IMMP2L: variants seen among roughly 807,000 people sequenced by gnomAD.
The protein encoded by IMMP2L is inner mitochondrial membrane peptidase subunit 2.
IMMP2L carries 18 observed loss-of-function variants against 19.3 expected under a neutral mutation model. That is an observed-to-expected ratio of 0.93 (90% CI 0.64 to 1.38). The LOEUF (loss-of-function observed/expected upper bound fraction) is 1.38, where lower values mean the gene tolerates loss of function less well. IMMP2L is among the 40% of genes most tolerant of loss of function. The pLI, the probability that IMMP2L is intolerant of heterozygous loss-of-function variation, is 0.00. For synonymous variants in IMMP2L, 76 were observed against 73.0 expected, an observed-to-expected ratio of 1.04 and a Z score of -0.21; for missense variants, 233 against 218.2, an observed-to-expected ratio of 1.07 and a Z score of -0.43.
intron 5 of IMMP2L, among the ~76,000 whole-genome samples, chr7:110,748,810 A>G (rs1384737937): frequency 3.3e-5 from 5 of 152,228 alleles, no homozygotes; most frequent in African/African-American, 1.2e-4. Flanking sequence ...AAGAAAACCT[A>G]GCCAATACCA....
At chr7:111,141,710 A>G (rs989174618) in intron 3 of IMMP2L, among the ~76,000 whole-genome samples, 1 of 152,014 alleles carries the variant, frequency 6.6e-6, no homozygotes, top group Non-Finnish European at 1.5e-5. Flanking sequence ...ATCATATTTA[A>G]CCAGGAGCTA....
intron 3 of IMMP2L, among the ~76,000 whole-genome samples, chr7:111,003,518 A>ATT (rs796252838): frequency 6.7e-6 from 1 of 148,166 alleles, no homozygotes; most frequent in African/African-American, 2.5e-5. Context: ...TTTCAGATAG[A>ATT]TTTTTTTTTT....
At chr7:110,700,706 T>C (rs1794222332) in intron 5 of IMMP2L, among the ~76,000 whole-genome samples, 1 of 152,240 alleles carries the variant, frequency 6.6e-6, no homozygotes, top group South Asian at 2.1e-4. Flanking sequence ...TGTTGGATAT[T>C]GGACTTTCTT....
chr7:111,389,708 G>GA (rs1832146569), intron 3 of IMMP2L, among the ~76,000 whole-genome samples: 1 of 152,012 alleles, frequency 6.6e-6, no homozygotes, highest in Non-Finnish European at 1.5e-5. Context: ...CTACAAGCTT[G>GA]AAATCATTGT....
chr7:111,262,578 G>A (rs137855686), intron 3 of IMMP2L, among the ~76,000 whole-genome samples: 50 of 152,188 alleles, frequency 3.3e-4, no homozygotes, highest in Non-Finnish European at 6.0e-4. Context: ...CCAAGAGGCA[G>A]AAACAATCTC....
At chr7:110,893,682 AG>A (rs2129546377) in intron 4 of IMMP2L, among the ~76,000 whole-genome samples, 1 of 152,258 alleles carries the variant, frequency 6.6e-6, no homozygotes, top group East Asian at 1.9e-4. Context: ...TTATCCAGAT[AG>A]TGAGCACAGT....
At chr7:111,350,534 G>T (rs531065570) in intron 3 of IMMP2L, among the ~76,000 whole-genome samples, 9 of 152,052 alleles carry the variant, frequency 5.9e-5, no homozygotes, top group African/African-American at 2.2e-4. Context: ...AGATAGGGGG[G>T]TCTAGGCATA....
intron 5 of IMMP2L, among the ~76,000 whole-genome samples, chr7:110,736,504 G>C (rs1796645919): frequency 6.6e-6 from 1 of 152,206 alleles, no homozygotes; most frequent in Non-Finnish European, 1.5e-5. Context: ...TGCCATGAAA[G>C]CTGCTGTGTG....
intron 3 of IMMP2L, among the ~76,000 whole-genome samples, chr7:111,383,098 T>C (rs560384265): frequency 1.1e-4 from 16 of 152,182 alleles, no homozygotes; most frequent in Admixed American, 7.9e-4. Flanking sequence ...ACTAGAGTGA[T>C]TGGGGACAGG....
intron 3 of IMMP2L, among the ~76,000 whole-genome samples, chr7:111,376,091 A>C (rs971216898): frequency 6.6e-6 from 1 of 152,086 alleles, no homozygotes; most frequent in Non-Finnish European, 1.5e-5. Flanking sequence ...TCTCAGTCCC[A>C]ATTTCTTACA....
intron 4 of IMMP2L, among the ~76,000 whole-genome samples, chr7:110,926,187 G>A (rs893646469): frequency 2.6e-5 from 4 of 151,886 alleles, no homozygotes; most frequent in African/African-American, 9.7e-5. Context: ...TAATTGTACT[G>A]ATATATTACC....
intron 3 of IMMP2L, among the ~76,000 whole-genome samples, chr7:111,164,919 G>A (rs1805660457): frequency 6.6e-6 from 1 of 151,854 alleles, no homozygotes; most frequent in South Asian, 2.1e-4. Flanking sequence ...AATACACATA[G>A]CATAATATTT....
intron 3 of IMMP2L, among the ~76,000 whole-genome samples, chr7:111,061,214 A>T (rs1231381230): frequency 6.6e-5 from 10 of 152,190 alleles, no homozygotes; most frequent in Non-Finnish European, 2.9e-5. Context: ...GCTAAGTAAG[A>T]TTAACAGACT....
At chr7:110,802,511 T>C (rs1450615631) in intron 5 of IMMP2L, among the ~76,000 whole-genome samples, 2 of 152,062 alleles carry the variant, frequency 1.3e-5, no homozygotes, top group East Asian at 3.9e-4. Context: ...ATAAATGTAC[T>C]ATAAAATACT....
rs143993964 is a variant in IMMP2L, at chr7:111,542,519, A to T, written c.-3+19332T>A. On this transcript the variant is annotated intron_variant, in intron 1 of 5. Transcript: ENST00000405709. ...TAAGTAGCAGAGCTGAATCCAGATT[A>T]TTTGACCCTGTAAACTAGGTATTTA... 7.8e-4 allele frequency among the ~76,000 whole-genome samples: 118 copies of T among 152,254 alleles called. 1 individual carries two copies. Among genetic ancestry groups the T allele is most frequent in the African/African-American group, 2.7e-3 (114 of 41,568 alleles).
rs181465696 is a variant in IMMP2L at position 111,518,672 on chromosome 7, G to A, written c.135+2641C>T. On this transcript the variant is annotated intron_variant, in intron 2 of 5. Transcript: ENST00000405709. ...AGATGTCTTCAAATATGTTGAATTA[G>A]TTAATCCCTAAATCTCATTATTATA... Among the ~76,000 whole-genome samples, 39 of 152,224 alleles carry A rather than the reference G, an allele frequency of 2.6e-4. 1 individual carries two copies. Among genetic ancestry groups the A allele is most frequent in the African/African-American group, 8.7e-4 (36 of 41,554 alleles).
chr7:111,377,802 G>T (rs1458140462), intron 3 of IMMP2L, among the ~76,000 whole-genome samples: 3 of 151,854 alleles, frequency 2.0e-5, no homozygotes, highest in African/African-American at 2.4e-5. Flanking sequence ...GTAATGCTAT[G>T]AACAATTTGC....
At chr7:111,335,254 T>C (rs1826281091) in intron 3 of IMMP2L, among the ~76,000 whole-genome samples, 1 of 152,120 alleles carries the variant, frequency 6.6e-6, no homozygotes, top group African/African-American at 2.4e-5. Flanking sequence ...TTTGATGAAA[T>C]GGATGCATCC....
intron 5 of IMMP2L, among the ~76,000 whole-genome samples, chr7:110,726,859 T>A (rs1795916262): frequency 6.6e-6 from 1 of 152,156 alleles, no homozygotes; most frequent in African/African-American, 2.4e-5. Flanking sequence ...CTGGGGTTCA[T>A]AATATGTGAG....
Sources: allele counts gnomAD v4.1 joint callset (sites outside exome capture counted in the v4.1 genomes callset), GRCh38; gene constraint gnomAD v4.1.1; transcripts MANE v1.5; gene names NCBI Gene and HGNC (gene_info 2026-07-23, HGNC 2026-07-21).